The following FRK variants were observed in gnomAD, a reference collection of about 807,000 sequenced individuals.
FRK encodes tyrosine-protein kinase FRK.
FRK carries 51 observed loss-of-function variants against 56.4 expected under a neutral mutation model. The observed-to-expected ratio is 0.90, with a 90% confidence interval of 0.72 to 1.14. FRK has a LOEUF of 1.14. FRK is among the 50% of genes most tolerant of loss of function. The pLI is 0.00. For synonymous variants in FRK, 245 were observed against 217.9 expected, an observed-to-expected ratio of 1.12 and a Z score of -1.10; for missense variants, 570 against 601.4, an observed-to-expected ratio of 0.95 and a Z score of 0.55.
chr6:116,078,362 A>G, the FRK span, among the ~76,000 whole-genome samples: 1 of 152,116 alleles, frequency 6.6e-6, no homozygotes, highest in East Asian at 1.9e-4. Context: ...TTTTTCTTCT[A>G]ATGTCCCTTG....
chr6:116,062,916 G>A (rs1368791783), upstream of FRK, among the ~76,000 whole-genome samples: 4 of 152,074 alleles, frequency 2.6e-5, no homozygotes, highest in Non-Finnish European at 2.9e-5. Flanking sequence ...CCTTCTGAGC[G>A]ACAGCTGGGC....
chr6:116,009,103 G>A (rs12524932), intron 1 of FRK, among the ~76,000 whole-genome samples: 59,002 of 151,916 alleles, frequency 0.39, 11,836 homozygotes, highest in Middle Eastern at 0.5. Context: ...AGAAACAGCC[G>A]GACTGGTTAC....
Position 116,060,409 on chromosome 6 carries a change from C to A in FRK, c.-98G>T, listed in dbSNP as rs1777585642. The A allele has an allele frequency of 2.3e-6, 2 of 870,258 alleles. No homozygotes were observed. Among genetic ancestry groups the A allele is most frequent in the South Asian group, 3.3e-5 (2 of 60,348 alleles). 53.9% of individuals were successfully genotyped at this position (870,258 alleles called of 1,614,324 possible). ...CTTCACCAGGCAACTTTGAAGTCAG[C>A]ACCAACTCACCATACTTCGGAGAGT... On this transcript the variant is annotated 5_prime_UTR_variant, in exon 1 of 8. Coordinates refer to ENST00000606080, the MANE Select transcript of FRK (RefSeq NM_002031.3).
chr6:116,021,485 T>C (rs1241546019), intron 1 of FRK, among the ~76,000 whole-genome samples: 2 of 152,154 alleles, frequency 1.3e-5, no homozygotes, highest in African/African-American at 4.8e-5. Flanking sequence ...TTGCCTGGAA[T>C]ACATAACTAT....
intron 2 of FRK, among the ~76,000 whole-genome samples, chr6:115,982,748 C>A (rs1774246986): frequency 6.6e-6 from 1 of 152,082 alleles, no homozygotes; most frequent in East Asian, 1.9e-4. Context: ...TCTTTCAGTG[C>A]AAAACATAGC....
At chr6:116,017,421 T>C (rs1775697594) in intron 1 of FRK, among the ~76,000 whole-genome samples, 1 of 152,172 alleles carries the variant, frequency 6.6e-6, no homozygotes, top group Non-Finnish European at 1.5e-5. Flanking sequence ...TGTACCTCTT[T>C]TCAATTTTTC....
rs1192707515 is a variant in FRK at position 116,029,731 on chromosome 6, T to C, written c.345-25733A>G. Reference sequence around the variant, plus strand: ...CCTACACAAGGAAACTGAGATGTTTTAAGCCTTTTCTGAGGTCAAATTAGC... The same window carrying C: ...CCTACACAAGGAAACTGAGATGTTTCAAGCCTTTTCTGAGGTCAAATTAGC... On this transcript the variant is annotated intron_variant, in intron 1 of 7. Coordinates refer to ENST00000606080, the MANE Select transcript of FRK (RefSeq NM_002031.3). 2.6e-5 allele frequency among the ~76,000 whole-genome samples: 4 copies of C among 152,150 alleles called. No homozygotes were observed. The South Asian group carries it at 6.2e-4, about 24-fold the overall frequency.
upstream of FRK, among the ~76,000 whole-genome samples, chr6:116,062,332 T>C (rs1777654883): frequency 6.6e-6 from 1 of 151,924 alleles, no homozygotes; most frequent in African/African-American, 2.4e-5. Context: ...AAATATATAA[T>C]ACCAAATGAC....
intron 2 of FRK, among the ~76,000 whole-genome samples, chr6:115,981,891 C>G (rs1414476235): frequency 1.3e-5 from 2 of 152,028 alleles, no homozygotes; most frequent in African/African-American, 2.4e-5. Context: ...GCAGATAGCT[C>G]TATTTCTTGG....
intron 2 of FRK, among the ~76,000 whole-genome samples, chr6:116,003,134 G>A (rs138066895): frequency 1.6e-4 from 24 of 152,214 alleles, no homozygotes; most frequent in African/African-American, 5.1e-4. Flanking sequence ...AGAATAATAC[G>A]TATTTAAAGG....
At chr6:115,954,620 T>C (rs1562254485) in intron 5 of FRK, among the ~76,000 whole-genome samples, 1 of 152,118 alleles carries the variant, frequency 6.6e-6, no homozygotes, top group Non-Finnish European at 1.5e-5. Flanking sequence ...CTGGGGAGAA[T>C]ACAGGGAGAT....
In FRK at chr6:115,939,989, C is replaced by T. The variant is rs1475999826; in HGVS notation, c.*2425G>A. ...AATTGGAAAAAACTACTTTAAACTT[C>T]ATATGGAATCAAAAAAGAGCCCGCA... On this transcript the variant is annotated 3_prime_UTR_variant, in exon 8 of 8. Coordinates refer to ENST00000606080, the MANE Select transcript of FRK (RefSeq NM_002031.3). 1.3e-5 allele frequency: 2 copies of T among 152,168 alleles called. No individual in the cohort carries two copies. The highest frequency in any genetic ancestry group is 2.9e-5 in the Non-Finnish European group (2 of 68,046). The allele number at this position is 152,168 out of a possible 1,614,324, so 9.4% of individuals were successfully genotyped here. A position where few individuals can be genotyped will look rare whatever the true frequency, so the allele number is the denominator to read the frequency against.
chr6:116,085,718 G>A, the FRK span, among the ~76,000 whole-genome samples: 1 of 152,130 alleles, frequency 6.6e-6, no homozygotes, highest in African/African-American at 2.4e-5. Flanking sequence ...GTGTGGGTGT[G>A]TGTGTGTGTG....
At chr6:115,991,236 A>G (rs1216970048) in intron 2 of FRK, among the ~76,000 whole-genome samples, 1 of 151,720 alleles carries the variant, frequency 6.6e-6, no homozygotes, top group East Asian at 1.9e-4. Context: ...TTTGAAATCC[A>G]CTTTTCCAAT....
intron 5 of FRK, among the ~76,000 whole-genome samples, chr6:115,948,182 T>G (rs1251173427): frequency 6.6e-6 from 1 of 152,210 alleles, no homozygotes; most frequent in Admixed American, 6.5e-5. Context: ...AGCTGCCCAG[T>G]GGAAAGGTCC....
chr6:116,053,940 C>T lies in FRK; in HGVS notation c.344+6028G>A, dbSNP rs543553876. Among the ~76,000 whole-genome samples the T allele has an allele frequency of 4.6e-5, 7 of 151,980 alleles. No homozygotes were observed. The South Asian group carries it at 1.2e-3, about 27-fold the overall frequency. The stretch of plus-strand genomic sequence containing the variant: ...CTTTACTGCTATTAATTACTTGACA[C>T]AGGTATTAATTAAACTTCAACTGGG... On this transcript the variant is annotated intron_variant, in intron 1 of 7. Coordinates refer to ENST00000606080, the MANE Select transcript of FRK (RefSeq NM_002031.3).
At chr6:116,092,344 G>T in the FRK span, among the ~76,000 whole-genome samples, 3 of 152,100 alleles carry the variant, frequency 2.0e-5, no homozygotes, top group East Asian at 3.9e-4. Context: ...TCCAACCCTG[G>T]AGATCCCTTC....
At chr6:116,006,098 G>A (rs1775237539) in intron 1 of FRK, among the ~76,000 whole-genome samples, 1 of 151,910 alleles carries the variant, frequency 6.6e-6, no homozygotes, top group African/African-American at 2.4e-5. Flanking sequence ...CAAAAACCTG[G>A]AAAAAATATT....
Position 116,060,266 on chromosome 6 carries a change from G to A in FRK, c.46C>T (p.Leu16Phe), listed in dbSNP as rs1294993451. The A allele has an allele frequency of 1.9e-6, 3 of 1,614,168 alleles. No individual in the cohort carries two copies. Among genetic ancestry groups the A allele is most frequent in the Non-Finnish European group, 2.5e-6 (3 of 1,180,026 alleles). Reference protein sequence around the residue: ...QRLWEYLEPYLPCLSTEADKS... With the variant: ...QRLWEYLEPYFPCLSTEADKS... Reference sequence around the variant, plus strand: ...TCTGCCTCCGTGGACAAACAGGGGAGATAGGGTTCTAGGTACTCCCAGAGC... The same window carrying A: ...TCTGCCTCCGTGGACAAACAGGGGAAATAGGGTTCTAGGTACTCCCAGAGC... The change falls in exon 1 of 8, where the codon CTC becomes TTC. Residue 16 changes from leucine to phenylalanine, a missense_variant. Coordinates refer to ENST00000606080, the MANE Select transcript of FRK (RefSeq NM_002031.3).
Sources: gnomAD v4.1 joint callset for allele counts (sites outside exome capture counted in the v4.1 genomes callset) on GRCh38, gnomAD v4.1.1 for gene constraint, MANE v1.5 for transcripts, NCBI Gene and HGNC (gene_info 2026-07-23, HGNC 2026-07-21) for gene names.